The following RASGRF1 variants were observed in gnomAD, a reference collection of about 807,000 sequenced individuals.
The protein encoded by RASGRF1 is Ras protein specific guanine nucleotide releasing factor 1.
Under a neutral mutation model 138.7 loss-of-function variants are expected in RASGRF1, and 40 were observed. The ratio of observed to expected loss-of-function variants is 0.29; its 90% CI spans 0.22 to 0.38. The LOEUF (loss-of-function observed/expected upper bound fraction) is 0.38, where lower values mean the gene tolerates loss of function less well. RASGRF1 is among the 10% of genes least tolerant of loss of function. RASGRF1 has a pLI of 1.00. For missense variants in RASGRF1, 1,108 were observed against 1,650.4 expected, an observed-to-expected ratio of 0.67 and a Z score of 5.69; for synonymous variants, 614 against 663.2, an observed-to-expected ratio of 0.93 and a Z score of 1.14.
chr15:79,012,479 GA>G, intron 13 of RASGRF1: 1 of 1,554,686 alleles, frequency 6.4e-7, no homozygotes, highest in Non-Finnish European at 8.9e-7. Context: ...CCCGAGGACG[GA>G]GACCCCACCT....
Position 79,025,320 on chromosome 15 carries a change from C to A in RASGRF1, c.1536G>T (p.Leu512Phe). ...CCTCTCCCGTAGCCCTTACCTTGGT[C>A]AAGTGAAGCTTCCCTCCAGAGCCTC... ...CTRGSGGKLH[L>F]TKNGVISLID... is the part of the protein sequence containing the mutation. The change falls in exon 10 of 27, where the codon TTG becomes TTT. Residue 512 changes from leucine (L) to phenylalanine (F), a missense_variant. Physicochemically the swap from Leu to Phe is conservative, Grantham distance 22. This residue lies in a region of RASGRF1 where 686 missense variants were observed against 976.7 expected (regional missense o/e 0.70). Transcript: ENST00000558480. The A allele has an allele frequency of 2.5e-6, 4 of 1,608,102 alleles. No homozygotes were observed. In the South Asian group the frequency reaches 3.3e-5, roughly 13 times the overall value.
rs567323208 is a variant in RASGRF1, at chr15:79,038,459, G to A, written c.879-3249C>T. 2.6e-5 allele frequency among the ~76,000 whole-genome samples: 4 copies of A among 152,126 alleles called. No homozygotes were observed. In the East Asian group the frequency reaches 7.7e-4, roughly 29 times the overall value. On this transcript the variant is annotated intron_variant, in intron 5 of 26. Coordinates refer to ENST00000558480, the MANE Select transcript of RASGRF1 (RefSeq NM_001145648.3). ...CTACTACTCAGAAATTACTATCATT[G>A]CCCAGCCAACTAAAAAAATTATCTC...
At chr15:79,031,614 G>C in intron 7 of RASGRF1, 105 bp from the exon 8 acceptor site, 1 of 464,286 alleles carries the variant, frequency 2.2e-6, no homozygotes, top group Non-Finnish European at 4.0e-6. Context: ...GAGAGAAAGA[G>C]GGAGAGGGAG....
intron 23 of RASGRF1, chr15:78,981,366 G>C (rs1358981700): frequency 6.6e-6 from 1 of 152,234 alleles, no homozygotes; most frequent in Admixed American, 6.5e-5. Flanking sequence ...TCCCTGTGTA[G>C]CCCGAGGGAA....
At chr15:78,998,606 C>T (rs2056446985) in intron 18 of RASGRF1, 113 bp downstream of exon 18, 2 of 867,270 alleles carry the variant, frequency 2.3e-6, no homozygotes, top group African/African-American at 1.6e-5. Context: ...TTCTGCTGCC[C>T]CACTGCCAGC....
chr15:79,063,294 C>A (rs148257556), intron 2 of RASGRF1, among the ~76,000 whole-genome samples: 1 of 152,190 alleles, frequency 6.6e-6, no homozygotes, highest in Non-Finnish European at 1.5e-5. Context: ...AGAATGGATA[C>A]CCCTTGAGGA....
At chr15:79,055,528 G>C (rs2141043092) in intron 3 of RASGRF1, among the ~76,000 whole-genome samples, 1 of 151,978 alleles carries the variant, frequency 6.6e-6, no homozygotes, top group Middle Eastern at 3.4e-3. Context: ...TGGAAGCATT[G>C]CTCCGAAAAT....
At chr15:79,090,201 C>T in intron 1 of RASGRF1, 22 bp downstream of exon 1, 1 of 1,579,292 alleles carries the variant, frequency 6.3e-7, no homozygotes, top group Non-Finnish European at 8.6e-7. Flanking sequence ...GCAGGGAGGT[C>T]AGGACGCGAC....
At chr15:78,990,646 C>A (rs1417480265) in intron 21 of RASGRF1, among the ~76,000 whole-genome samples, 1 of 152,158 alleles carries the variant, frequency 6.6e-6, no homozygotes, top group Non-Finnish European at 1.5e-5. Flanking sequence ...TTAGTCACTG[C>A]AGCAGCTGGT....
Position 79,090,212 on chromosome 15 carries a change from G to T in RASGRF1, c.276+11C>A, listed in dbSNP as rs1366764011. 6.3e-7 allele frequency: 1 copy of T among 1,591,672 alleles called. No homozygotes were observed. The highest frequency in any genetic ancestry group is 1.7e-5 in the Admixed American group (1 of 58,946). On this transcript the variant is annotated intron_variant, in intron 1 of 26. Coordinates refer to ENST00000558480, the MANE Select transcript of RASGRF1 (RefSeq NM_001145648.3). ...GGACGCAGGGAGGTCAGGACGCGAC[G>T]CTCGCCTCACCTGTTTCTCCAGCGG...
At chr15:78,965,705 G>A (rs2869815) in intron 26 of RASGRF1, among the ~76,000 whole-genome samples, 133,192 of 152,038 alleles carry the variant, frequency 0.88, 60,168 homozygotes, top group Non-Finnish European at 1. Flanking sequence ...ACAAAAATTA[G>A]TCGGGCGTGG....
chr15:79,039,362 T>C (rs1431254634), intron 5 of RASGRF1, among the ~76,000 whole-genome samples: 3 of 151,814 alleles, frequency 2.0e-5, no homozygotes, highest in African/African-American at 7.2e-5. Context: ...TTCTGGACTT[T>C]CTATTTTATT....
intron 26 of RASGRF1, 39 bp downstream of exon 26, chr15:78,971,827 G>A (rs1324723931): frequency 6.6e-7 from 1 of 1,523,504 alleles, no homozygotes; most frequent in Admixed American, 1.7e-5. Context: ...CAGAGCCACT[G>A]TGAAAGCATG....
chr15:79,013,639 C>G (rs1793794197), intron 13 of RASGRF1, among the ~76,000 whole-genome samples: 1 of 152,202 alleles, frequency 6.6e-6, no homozygotes, highest in Non-Finnish European at 1.5e-5. Flanking sequence ...CTAGCGTGCA[C>G]CAGATGAGCA....
In RASGRF1 at chr15:79,090,746, C is replaced by T; in HGVS notation, c.-248G>A. The T allele has an allele frequency of 2.8e-5, 15 of 540,604 alleles. No homozygotes were observed. The South Asian group carries it at 4.3e-4, about 15-fold the overall frequency. The allele number at this position is 540,604 out of a possible 1,614,324, so 33.5% of individuals were successfully genotyped here. ...GCCCCAGTACCCGGAAGATGCCGCC[C>T]GACCCTCCTCCGGTGCCGGGCAAAC... On this transcript the variant is annotated 5_prime_UTR_variant, in exon 1 of 27. Coordinates refer to ENST00000558480, the MANE Select transcript of RASGRF1 (RefSeq NM_001145648.3).
At chr15:78,979,735 AGGCCAGCCTG>A (rs2055977638) in intron 24 of RASGRF1, among the ~76,000 whole-genome samples, 1 of 152,218 alleles carries the variant, frequency 6.6e-6, no homozygotes, top group Non-Finnish European at 1.5e-5. Flanking sequence ...CAAGCTCTGG[AGGCCAGCCTG>A]GGCCAGTCCT....
At chr15:78,997,485 C>T (rs1409848200) in intron 19 of RASGRF1, among the ~76,000 whole-genome samples, 1 of 152,130 alleles carries the variant, frequency 6.6e-6, no homozygotes, top group Admixed American at 6.5e-5. Context: ...GTAATCCCAG[C>T]ACTTTGGGAG....
At chr15:79,022,970 CGA>C (rs2056983004) in intron 10 of RASGRF1, among the ~76,000 whole-genome samples, 1 of 152,080 alleles carries the variant, frequency 6.6e-6, no homozygotes, top group Non-Finnish European at 1.5e-5. Context: ...GTCAGGAGAT[CGA>C]GACCATCCTG....
Position 78,998,315 on chromosome 15 carries a change from G to C in RASGRF1, c.2854-107C>G, listed in dbSNP as rs571870844. 148 of 950,896 alleles carry C rather than the reference G, an allele frequency of 1.6e-4. 5 individuals carry two copies. In the South Asian group the frequency reaches 2.0e-3, roughly 13 times the overall value. 58.9% of individuals were successfully genotyped at this position (950,896 alleles called of 1,614,324 possible). On this transcript the variant is annotated intron_variant, in intron 18 of 26. Coordinates refer to ENST00000558480, the MANE Select transcript of RASGRF1 (RefSeq NM_001145648.3). ...AGCTCCAGTTTCTATTCTGCCCAGG[G>C]CAGGCTGACCTGCCTCATTTCCTTT...
Sources: allele counts gnomAD v4.1 joint callset (sites outside exome capture counted in the v4.1 genomes callset), GRCh38; gene constraint gnomAD v4.1.1; regional missense constraint gnomAD v4.1.1; transcripts MANE v1.5; gene names NCBI Gene and HGNC (gene_info 2026-07-23, HGNC 2026-07-21).